CEP78: variants seen among roughly 807,000 people sequenced by gnomAD.
CEP78 encodes centrosomal protein of 78 kDa.
CEP78 carries 76 observed loss-of-function variants against 81.2 expected under a neutral mutation model. That is an observed-to-expected ratio of 0.94 (90% CI 0.78 to 1.13). The LOEUF is 1.13. Ranked by LOEUF, CEP78 falls within the 50% of genes most tolerant of loss-of-function variation. The pLI, the probability that CEP78 is intolerant of heterozygous loss-of-function variation, is 0.00. For synonymous variants in CEP78, 293 were observed against 301.4 expected, an observed-to-expected ratio of 0.97 and a Z score of 0.29; for missense variants, 918 against 846.8, an observed-to-expected ratio of 1.08 and a Z score of -1.04.
intron 5 of CEP78, among the ~76,000 whole-genome samples, chr9:78,246,058 A>G (rs1220093507): frequency 1.3e-5 from 2 of 152,134 alleles, no homozygotes; most frequent in East Asian, 3.9e-4. Flanking sequence ...ACAAATATTC[A>G]TTCTGTGATG....
chr9:78,267,834 A>G (rs906093249), intron 16 of CEP78, among the ~76,000 whole-genome samples: 1 of 152,160 alleles, frequency 6.6e-6, no homozygotes, highest in Non-Finnish European at 1.5e-5. Flanking sequence ...ATATGCATAG[A>G]TAAGTCCTTT....
rs1298202351 is a variant in CEP78 at position 78,274,669 on chromosome 9, A to G, written c.*3818A>G. 2.6e-5 allele frequency: 4 copies of G among 152,214 alleles called. No individual in the cohort carries two copies. Among genetic ancestry groups the G allele is most frequent in the African/African-American group, 7.2e-5 (3 of 41,464 alleles). The allele number at this position is 152,214 out of a possible 1,614,324, so 9.4% of individuals were successfully genotyped here. On this transcript the variant is annotated 3_prime_UTR_variant, in exon 17 of 17. Coordinates refer to ENST00000643273, the MANE Select transcript of CEP78 (RefSeq NM_001330691.3). ...AAAAAACTTACAAAATTCAAAGATC[A>G]TACAGATCATGTGCTCTGTATAATG...
chr9:78,252,249 G>A (rs190662593), intron 9 of CEP78, among the ~76,000 whole-genome samples: 2 of 152,304 alleles, frequency 1.3e-5, no homozygotes, highest in East Asian at 1.9e-4. Flanking sequence ...ACAGCAAGCT[G>A]TATCCCTGTG....
chr9:78,255,561 C>A (rs1323616643), intron 11 of CEP78, among the ~76,000 whole-genome samples: 2 of 152,110 alleles, frequency 1.3e-5, no homozygotes, highest in African/African-American at 4.8e-5. Flanking sequence ...ACCATGTCCT[C>A]ACATGGTGGA....
At chr9:78,245,816 A>T (rs745363680) in intron 5 of CEP78, among the ~76,000 whole-genome samples, 3 of 152,168 alleles carry the variant, frequency 2.0e-5, no homozygotes, top group Non-Finnish European at 2.9e-5. Flanking sequence ...CTCTATTCAC[A>T]CATTCTTTGG....
At position 78,275,003 on chromosome 9, in the gene CEP78, A is replaced by G. The variant is rs561997676; in HGVS notation, c.*4152A>G. 1 of 152,224 alleles carries G rather than the reference A, an allele frequency of 6.6e-6. No individual in the cohort carries two copies. The highest frequency in any genetic ancestry group is 6.5e-5 in the Admixed American group (1 of 15,286). The allele number at this position is 152,224 out of a possible 1,614,324, so 9.4% of individuals were successfully genotyped here. ...TAGCAAATTTTGATCAGTGAAACACAGGTTTTTAAAAATGAAAGATAAACC... is the reference window on the plus strand; with the variant it reads ...TAGCAAATTTTGATCAGTGAAACACGGGTTTTTAAAAATGAAAGATAAACC... On this transcript the variant is annotated 3_prime_UTR_variant, in exon 17 of 17. Transcript: ENST00000643273.
At chr9:78,265,814 A>G (rs181404220) in intron 14 of CEP78, 45 bp from the exon 15 acceptor site, 2 of 990,584 alleles carry the variant, frequency 2.0e-6, no homozygotes, top group Admixed American at 4.2e-5. Flanking sequence ...AATGATTTTC[A>G]ATTTTCAATT....
At chr9:78,247,139 C>G (rs1481988677) in intron 6 of CEP78, among the ~76,000 whole-genome samples, 1 of 152,216 alleles carries the variant, frequency 6.6e-6, no homozygotes, top group East Asian at 1.9e-4. Flanking sequence ...AAGCACTAAA[C>G]ATACAGCAGT....
chr9:78,264,287 T>A lies in CEP78; in HGVS notation c.1596T>A (p.His532Gln). ...TTGAGAATTCTTTTCAGAAGTTTCA[T>A]GCTTTCTTGGATCTCCTTAAAGATG... is the stretch of plus-strand genomic sequence containing the variant. ...GSIENSFQKF[H>Q]AFLDLLKDAG... The change falls in exon 13 of 17, where the codon CAT (histidine) becomes CAA (glutamine). Residue 532 changes from histidine to glutamine, a missense_variant. His to Gln is a conservative substitution (Grantham distance 24, BLOSUM62 0). Transcript: ENST00000643273. 1 of 1,613,414 alleles carries A rather than the reference T, an allele frequency of 6.2e-7. No homozygotes were observed. Among genetic ancestry groups the A allele is most frequent in the Non-Finnish European group, 8.5e-7 (1 of 1,179,586 alleles).
At chr9:78,238,064 G>A (rs544309521) in intron 1 of CEP78, among the ~76,000 whole-genome samples, 2 of 151,366 alleles carry the variant, frequency 1.3e-5, no homozygotes, top group Non-Finnish European at 2.9e-5. Context: ...GGTGGAGGTC[G>A]CAGTGAGCTG....
At position 78,236,216 on chromosome 9, in the gene CEP78, G is replaced by C; in HGVS notation, c.-135G>C. The C allele has an allele frequency of 1.3e-6, 1 of 751,948 alleles. No homozygotes were observed. The highest frequency in any genetic ancestry group is 2.1e-6 in the Non-Finnish European group (1 of 485,246). 46.6% of individuals were successfully genotyped at this position (751,948 alleles called of 1,614,324 possible). A position where few individuals can be genotyped will look rare whatever the true frequency, so the allele number is the denominator to read the frequency against. On this transcript the variant is annotated 5_prime_UTR_variant, in exon 1 of 17. Transcript: ENST00000643273. ...CCTTGCGTCTTCCGACCGAATCACC[G>C]CTCCTGAGCCCGGTGCGGGGCTGCC...
At chr9:78,257,653 G>A (rs766762203) in intron 11 of CEP78, among the ~76,000 whole-genome samples, 12 of 152,166 alleles carry the variant, frequency 7.9e-5, no homozygotes, top group Non-Finnish European at 1.5e-4. Flanking sequence ...CTCCAGAGGA[G>A]AAAGTTCTGT....
Position 78,236,255 on chromosome 9 carries a change from C to A in CEP78, c.-96C>A. The A allele has an allele frequency of 9.1e-7, 1 of 1,100,020 alleles. No individual in the cohort carries two copies. The highest frequency in any genetic ancestry group is 1.3e-6 in the Non-Finnish European group (1 of 784,818). The allele number at this position is 1,100,020 out of a possible 1,614,324, so 68.1% of individuals were successfully genotyped here. Reference sequence around the variant, plus strand: ...TGCGGGGCTGCCGCTATCGCCTGGCCGTGGGTGCCGGAGCGGCCGGGTTGC... The same window carrying A: ...TGCGGGGCTGCCGCTATCGCCTGGCAGTGGGTGCCGGAGCGGCCGGGTTGC... On this transcript the variant is annotated 5_prime_UTR_variant, in exon 1 of 17. Coordinates refer to ENST00000643273, the MANE Select transcript of CEP78 (RefSeq NM_001330691.3).
At chr9:78,266,010 G>A (rs941098872) in intron 15 of CEP78, 104 bp downstream of exon 15, 17 of 655,916 alleles carry the variant, frequency 2.6e-5, no homozygotes, top group Non-Finnish European at 3.7e-5. Context: ...GGGCAAACCT[G>A]TCTGCCACAG....
chr9:78,251,341 T>G (rs1372939600), intron 8 of CEP78, among the ~76,000 whole-genome samples: 1 of 152,182 alleles, frequency 6.6e-6, no homozygotes, highest in Non-Finnish European at 1.5e-5. Flanking sequence ...CTTGGATAGT[T>G]TTTACATGAT....
At chr9:78,256,468 C>T (rs1266716805) in intron 11 of CEP78, among the ~76,000 whole-genome samples, 12 of 151,488 alleles carry the variant, frequency 7.9e-5, no homozygotes, top group Non-Finnish European at 1.3e-4. Context: ...TGGCTACCCA[C>T]TTCTTCATGC....
chr9:78,237,784 C>A (rs1409844504), intron 1 of CEP78, among the ~76,000 whole-genome samples: 3 of 151,950 alleles, frequency 2.0e-5, no homozygotes, highest in Admixed American at 6.6e-5. Flanking sequence ...GAATTGTAAT[C>A]TAATGGCCCA....
intron 16 of CEP78, chr9:78,267,202 C>G: frequency 2.2e-6 from 1 of 457,484 alleles, no homozygotes; most frequent in Non-Finnish European, 4.0e-6. Flanking sequence ...CAATTGTTTA[C>G]TGAGGGGCTA....
In CEP78 at chr9:78,248,366, T is replaced by C. The variant is rs775353547; in HGVS notation, c.957+11T>C. On this transcript the variant is annotated intron_variant, in intron 7 of 16. Coordinates refer to ENST00000643273, the MANE Select transcript of CEP78 (RefSeq NM_001330691.3). ...AGTGCCAAATCAGAGGTATATCATG[T>C]TTTATTTCTCCAGAAAGAATTCTTA... 6.5e-7 allele frequency: 1 copy of C among 1,527,450 alleles called. No homozygotes were observed. The highest frequency in any genetic ancestry group is 1.1e-5 in the South Asian group (1 of 89,106). 94.6% of individuals were successfully genotyped at this position (1,527,450 alleles called of 1,614,324 possible).
Sources: allele counts gnomAD v4.1 joint callset (sites outside exome capture counted in the v4.1 genomes callset), GRCh38; gene constraint gnomAD v4.1.1; transcripts MANE v1.5; gene names NCBI Gene and HGNC (gene_info 2026-07-23, HGNC 2026-07-21).